Variants in ELF5 observed in about 807,000 individuals in gnomAD.
The protein encoded by ELF5 is E74 like ETS transcription factor 5, also known as ETS-related transcription factor Elf-5.
In ELF5, 31 loss-of-function variants were observed where a neutral mutation model predicts 38.2. The observed-to-expected ratio is 0.81, with a 90% CI of 0.61 to 1.10. ELF5 has a LOEUF of 1.10. ELF5 is among the 50% of genes least tolerant of loss of function. ELF5 has a pLI of 0.00. For missense variants in ELF5, 300 were observed against 306.6 expected, an observed-to-expected ratio of 0.98 and a Z score of 0.16; for synonymous variants, 121 against 112.5, an observed-to-expected ratio of 1.08 and a Z score of -0.48.
chr11:34,508,841 G>A (rs1850678383), intron 1 of ELF5, among the ~76,000 whole-genome samples: 1 of 152,200 alleles, frequency 6.6e-6, no homozygotes, highest in Admixed American at 6.5e-5. Flanking sequence ...GAGTTAAGTG[G>A]CAGGGAGGTC....
intron 3 of ELF5, chr11:34,491,986 G>A (rs1017721030): frequency 1.3e-5 from 2 of 152,216 alleles, no homozygotes; most frequent in Non-Finnish European, 2.9e-5. Context: ...GGAGACAAAT[G>A]AGGTTGACTT....
chr11:34,490,210 T>G, intron 3 of ELF5, 151 bp from the exon 4 acceptor site: 1 of 816,124 alleles, frequency 1.2e-6, no homozygotes, highest in Non-Finnish European at 2.0e-6. Context: ...CATCTGGTCT[T>G]AGAGTGTCAC....
chr11:34,503,448 C>G (rs1167175372), intron 2 of ELF5, among the ~76,000 whole-genome samples: 1 of 147,458 alleles, frequency 6.8e-6, no homozygotes, highest in Non-Finnish European at 1.5e-5. Context: ...GCAGGAGCCA[C>G]CATGCCTGCT....
intron 4 of ELF5, among the ~76,000 whole-genome samples, chr11:34,483,701 C>T (rs1856994012): frequency 1.3e-5 from 2 of 151,876 alleles, no homozygotes; most frequent in African/African-American, 4.8e-5. Context: ...CTGTACTGTA[C>T]CATGCTATAT....
At chr11:34,485,758 G>A (rs1233788327) in intron 4 of ELF5, among the ~76,000 whole-genome samples, 1 of 152,162 alleles carries the variant, frequency 6.6e-6, no homozygotes, top group Non-Finnish European at 1.5e-5. Context: ...TTGGCTGGTG[G>A]TGGCAGGGGC....
intron 4 of ELF5, among the ~76,000 whole-genome samples, chr11:34,482,916 G>A (rs1178790769): frequency 6.6e-6 from 1 of 152,066 alleles, no homozygotes; most frequent in Non-Finnish European, 1.5e-5. Context: ...AAAGCAAGAC[G>A]TTAACTCCGT....
At chr11:34,507,034 T>C (rs986044263) in intron 1 of ELF5, among the ~76,000 whole-genome samples, 21 of 152,242 alleles carry the variant, frequency 1.4e-4, no homozygotes, top group Non-Finnish European at 2.5e-4. Context: ...ATATATATGT[T>C]ATACAGTTTT....
At chr11:34,486,245 T>C (rs1226503633) in intron 4 of ELF5, among the ~76,000 whole-genome samples, 1 of 152,098 alleles carries the variant, frequency 6.6e-6, no homozygotes, top group Non-Finnish European at 1.5e-5. Flanking sequence ...TGCCTGGCAG[T>C]GAACCCAGGA....
At position 34,479,185 on chromosome 11, in the gene ELF5, A is replaced by T. The variant is rs2133865660; in HGVS notation, c.*1033T>A. The T allele has an allele frequency of 6.5e-6, 1 of 152,784 alleles. No homozygotes were observed. The highest frequency in any genetic ancestry group is 3.4e-3 in the Middle Eastern group (1 of 294). The allele number at this position is 152,784 out of a possible 1,614,324, so 9.5% of individuals were successfully genotyped here. On this transcript the variant is annotated 3_prime_UTR_variant, in exon 7 of 7. Transcript: ENST00000257832. ...GAAAGACAAAACAAAAAAGACACAC[A>T]ATTTAATTTGCCATTACAGAGTTGT...
chr11:34,489,857 CTCTT>C (rs1850116222), intron 4 of ELF5, 148 bp downstream of exon 4: 3 of 922,888 alleles, frequency 3.3e-6, no homozygotes, highest in Non-Finnish European at 5.2e-6. Context: ...TTCTGTCACA[CTCTT>C]TCCACCACGC....
In ELF5 at chr11:34,482,469, C is replaced by T. The variant is rs200367111; in HGVS notation, c.437G>A (p.Gly146Asp). 1.2e-6 allele frequency: 2 copies of T among 1,612,734 alleles called. No homozygotes were observed. Among genetic ancestry groups the T allele is most frequent in the African/African-American group, 1.3e-5 (1 of 74,946 alleles). ...ACTGTGACAGTCTTGACTTTTGATG[C>T]CACTTGTTTTCAAGCAGTTGGAATC... ...YADSNCLKTS[G>D]IKSQDCHSHS... Residue 146 changes from glycine to aspartate, a missense_variant, in exon 5 of 7, where the codon GGC becomes GAC. Transcript: ENST00000257832.
intron 1 of ELF5, among the ~76,000 whole-genome samples, chr11:34,513,299 T>C: frequency 6.6e-6 from 1 of 151,124 alleles, no homozygotes; most frequent in Non-Finnish European, 1.5e-5. Context: ...GGGAGAAGGG[T>C]AGGTGGGGGG....
chr11:34,495,313 G>A (rs1230303084), intron 2 of ELF5, among the ~76,000 whole-genome samples: 1 of 152,220 alleles, frequency 6.6e-6, no homozygotes, highest in African/African-American at 2.4e-5. Flanking sequence ...GCAAATAGCA[G>A]TGGTGCGATT....
chr11:34,512,583 A>ATTTT (rs10647727), intron 1 of ELF5, among the ~76,000 whole-genome samples: 1 of 148,682 alleles, frequency 6.7e-6, no homozygotes, highest in African/African-American at 2.5e-5. Context: ...TAAAATGGGG[A>ATTTT]TTTTTTTTTT....
At chr11:34,509,392 C>T (rs936822429) in intron 1 of ELF5, among the ~76,000 whole-genome samples, 9 of 152,210 alleles carry the variant, frequency 5.9e-5, no homozygotes, top group Non-Finnish European at 1.0e-4. Flanking sequence ...AATATATAAC[C>T]GAGTTTGAAT....
chr11:34,495,794 C>G (rs375662323), intron 2 of ELF5, among the ~76,000 whole-genome samples: 2 of 152,192 alleles, frequency 1.3e-5, no homozygotes, highest in Non-Finnish European at 2.9e-5. Flanking sequence ...TTACCAGGCC[C>G]GTGGGGGCTC....
chr11:34,502,324 A>G (rs551690214), intron 2 of ELF5, among the ~76,000 whole-genome samples: 6 of 152,242 alleles, frequency 3.9e-5, no homozygotes, highest in Non-Finnish European at 8.8e-5. Flanking sequence ...GAGGTGGGTA[A>G]GGACCTCAGG....
chr11:34,507,634 CCCA>C (rs1209929725), intron 1 of ELF5, among the ~76,000 whole-genome samples: 1 of 152,216 alleles, frequency 6.6e-6, no homozygotes, highest in African/African-American at 2.4e-5. Context: ...TTCCCATGTT[CCCA>C]CATGCCACTC....
At chr11:34,499,338 C>A (rs543318752) in intron 2 of ELF5, among the ~76,000 whole-genome samples, 1 of 152,124 alleles carries the variant, frequency 6.6e-6, no homozygotes, top group Admixed American at 6.6e-5. Flanking sequence ...CCCTCCTGGG[C>A]TCAAGCAATC....
Sources: gnomAD v4.1 joint callset for allele counts (sites outside exome capture counted in the v4.1 genomes callset) on GRCh38, gnomAD v4.1.1 for gene constraint, MANE v1.5 for transcripts, NCBI Gene and HGNC (gene_info 2026-07-23, HGNC 2026-07-21) for gene names.